Variants in SLC44A2 observed in about 807,000 individuals in gnomAD.
SLC44A2 encodes the protein solute carrier family 44 member 2 (CTL2 blood group).
Under a neutral mutation model 90.8 loss-of-function variants are expected in SLC44A2, and 57 were observed. The ratio of observed to expected loss-of-function variants is 0.63; its 90% CI spans 0.51 to 0.78. The LOEUF is 0.78. Ranked by LOEUF, SLC44A2 falls within the 30% of genes least tolerant of loss-of-function variation. The pLI is 0.00. For missense variants in SLC44A2, 794 were observed against 919.7 expected (o/e 0.86, Z 1.77); for synonymous variants, 355 against 360.7 (o/e 0.98, Z 0.18).
chr19:10,627,950 T>C lies in SLC44A2; in HGVS notation c.191T>C (p.Ile64Thr), dbSNP rs143126713. ...AWTHGDPRKV[I>T]YPTDSRGEFC... Reference sequence around the variant, plus strand: ...ACTCATGGAGACCCTCGAAAGGTGATCTACCCCACTGACAGCCGGGGCGAG... The same window carrying C: ...ACTCATGGAGACCCTCGAAAGGTGACCTACCCCACTGACAGCCGGGGCGAG... The change falls in exon 4 of 22, where the codon ATC (isoleucine) becomes ACC (threonine). Residue 64 changes from isoleucine to threonine, a missense_variant. Coordinates refer to ENST00000335757, the MANE Select transcript of SLC44A2 (RefSeq NM_020428.4). 37 of 1,613,836 alleles carry C rather than the reference T, an allele frequency of 2.3e-5. No individual in the cohort carries two copies. In the African/African-American group the frequency reaches 4.1e-4, roughly 18 times the overall value.
At chr19:10,602,683 G>T in intron 1 of SLC44A2, 2 of 935,282 alleles carry the variant, frequency 2.1e-6, no homozygotes, top group Non-Finnish European at 2.7e-6. Context: ...CCGCGCTCGG[G>T]CCCCCGCATC....
At chr19:10,607,794 GGA>G (rs1918155710) in intron 1 of SLC44A2, among the ~76,000 whole-genome samples, 1 of 146,582 alleles carries the variant, frequency 6.8e-6, no homozygotes, top group South Asian at 2.1e-4. Context: ...CGCTCAGGCT[GGA>G]GTGCAGTGGC....
At chr19:10,609,252 G>A (rs540284274) in intron 1 of SLC44A2, among the ~76,000 whole-genome samples, 1 of 151,596 alleles carries the variant, frequency 6.6e-6, no homozygotes, top group Non-Finnish European at 1.5e-5. Context: ...AACCATGCCC[G>A]GCCCAGCCTA....
rs777247984 is a variant in SLC44A2, at chr19:10,627,940, C to T, written c.181C>T (p.Arg61Ter). The T allele has an allele frequency of 2.5e-6, 4 of 1,613,922 alleles. No individual in the cohort carries two copies. Among genetic ancestry groups the T allele is most frequent in the South Asian group, 1.1e-5 (1 of 91,058 alleles). The change falls in exon 4 of 22, where the codon CGA (arginine) becomes TGA (stop). Residue 61 changes from arginine (R) to a stop codon, truncating the protein, a stop_gained. Coordinates refer to ENST00000335757, the MANE Select transcript of SLC44A2 (RefSeq NM_020428.4). LOFTEE classifies it high-confidence loss of function. ...GIIAWTHGDPRKVIYPTDSRG... is the reference protein window; with the variant it reads ...GIIAWTHGDP ...CACAGCCTGGACTCATGGAGACCCT[C>T]GAAAGGTGATCTACCCCACTGACAG... is the stretch of plus-strand genomic sequence containing the variant.
At chr19:10,640,557 G>A (rs532030367) in intron 20 of SLC44A2, among the ~76,000 whole-genome samples, 1 of 152,216 alleles carries the variant, frequency 6.6e-6, no homozygotes, top group South Asian at 2.1e-4. Flanking sequence ...CTGCCAAAGT[G>A]CAAGGACTAC....
chr19:10,635,197 CCACTGGT>C lies in SLC44A2; in HGVS notation c.1094_1100del (p.Leu365ProfsTer154), dbSNP rs762805655. ...ATACGTCATGTGCTCCTTGCTCTAC[CCACTGGT>C]CACCTTCTTCTTGCTGTGCCTCTGC... On this transcript the variant is annotated frameshift_variant, in exon 13 of 22. Coordinates refer to ENST00000335757, the MANE Select transcript of SLC44A2 (RefSeq NM_020428.4). LOFTEE classifies it high-confidence loss of function. 1 of 1,614,006 alleles carries C rather than the reference CCACTGGT, an allele frequency of 6.2e-7. No individual in the cohort carries two copies. Among genetic ancestry groups the C allele is most frequent in the South Asian group, 1.1e-5 (1 of 91,076 alleles).
intron 1 of SLC44A2, among the ~76,000 whole-genome samples, chr19:10,617,171 G>A (rs1019395043): frequency 0.028 from 173 of 6,276 alleles, 1 homozygote; most frequent in Admixed American, 0.12. Context: ...CCGCCCGCCT[G>A]GGGCTCCCAA....
chr19:10,628,741 G>A (rs1008345490), intron 4 of SLC44A2, among the ~76,000 whole-genome samples: 1 of 152,136 alleles, frequency 6.6e-6, no homozygotes, highest in Admixed American at 6.6e-5. Flanking sequence ...GTGATGAACA[G>A]GTGAGACAAC....
rs2067059480 is a variant in SLC44A2 at position 10,636,683 on chromosome 19, C to A, written c.1518C>A (p.Ala506=). 2 of 1,613,596 alleles carry A rather than the reference C, an allele frequency of 1.2e-6. No individual in the cohort carries two copies. The highest frequency in any genetic ancestry group is 1.7e-5 in the Admixed American group (1 of 59,964). ...RALRYHTGSL[A]FGALILAIVQ... is the part of the protein sequence containing the mutation. ...GCAGGTACCACACAGGCTCCCTGGC[C>A]TTTGGCGCGCTCATCCTGGCCATTG... Residue 506 remains alanine, a synonymous_variant, in exon 16 of 22, where the codon GCC becomes GCA. Coordinates refer to ENST00000335757, the MANE Select transcript of SLC44A2 (RefSeq NM_020428.4).
chr19:10,642,589 C>T, intron 21 of SLC44A2, 138 bp downstream of exon 21: 12 of 839,052 alleles, frequency 1.4e-5, no homozygotes, highest in Non-Finnish European at 3.9e-6. Context: ...GTCCTGGGTC[C>T]CCAGCCTGTC....
intron 20 of SLC44A2, among the ~76,000 whole-genome samples, chr19:10,639,189 C>T (rs550682791): frequency 1.3e-5 from 2 of 152,314 alleles, no homozygotes; most frequent in Admixed American, 6.5e-5. Context: ...CCGCCTCGGG[C>T]TCGCAGAGTA....
intron 21 of SLC44A2, 112 bp from the exon 22 acceptor site, chr19:10,643,167 T>A: frequency 6.8e-7 from 1 of 1,467,152 alleles, no homozygotes; most frequent in Non-Finnish European, 9.0e-7. Context: ...CCAGTGTGTC[T>A]GCTTTCTAAC....
In SLC44A2 at chr19:10,631,745, G is replaced by T. The variant is rs772852528; in HGVS notation, c.622G>T (p.Ala208Ser). The T allele has an allele frequency of 1.2e-6, 2 of 1,613,378 alleles. No individual in the cohort carries two copies. Among genetic ancestry groups the T allele is most frequent in the South Asian group, 1.1e-5 (1 of 91,086 alleles). Residue 208 changes from alanine to serine, a missense_variant, in exon 8 of 22, where the codon GCC becomes TCC. Physicochemically the swap from Ala to Ser is moderately conservative, Grantham distance 99. Transcript: ENST00000335757. ...RKNITDLVEG[A>S]KKANGVLEAR... ...AAACATCACAGACCTGGTGGAGGGC[G>T]CCAAGTGAGGATATTGGCGCACCGC...
intron 4 of SLC44A2, among the ~76,000 whole-genome samples, chr19:10,628,606 C>T (rs1188369715): frequency 6.6e-6 from 1 of 152,152 alleles, no homozygotes; most frequent in African/African-American, 2.4e-5. Flanking sequence ...CTACCCTCAG[C>T]CACTAGTCTA....
intron 16 of SLC44A2, 67 bp downstream of exon 16, chr19:10,636,823 G>T (rs1299058597): frequency 1.3e-6 from 2 of 1,506,784 alleles, no homozygotes; most frequent in Non-Finnish European, 1.8e-6. Flanking sequence ...AACCAGGATT[G>T]GGTCTTGCTT....
chr19:10,628,499 G>T (rs1281630632), intron 4 of SLC44A2, among the ~76,000 whole-genome samples: 1 of 152,086 alleles, frequency 6.6e-6, no homozygotes, highest in East Asian at 1.9e-4. Flanking sequence ...CTGCAGTAAG[G>T]TATGATTGTA....
intron 20 of SLC44A2, chr19:10,641,012 G>A (rs531526118): frequency 2.7e-5 from 10 of 366,544 alleles, no homozygotes; most frequent in African/African-American, 6.5e-5. Context: ...GCTTGAACCC[G>A]GGAGGTGGAG....
intron 1 of SLC44A2, among the ~76,000 whole-genome samples, chr19:10,616,956 C>A (rs975387142): frequency 1.3e-5 from 2 of 151,898 alleles, no homozygotes; most frequent in Non-Finnish European, 2.9e-5. Context: ...GAGTCTTGCT[C>A]TGTCGCCCAG....
chr19:10,627,666 G>A (rs2066948112), intron 2 of SLC44A2, 56 bp from the exon 3 acceptor site: 2 of 1,585,490 alleles, frequency 1.3e-6, no homozygotes. Flanking sequence ...GGGCAGATGG[G>A]CCCATGGTGC....
Sources: gnomAD v4.1 joint callset for allele counts (sites outside exome capture counted in the v4.1 genomes callset) on GRCh38, gnomAD v4.1.1 for gene constraint, MANE v1.5 for transcripts, NCBI Gene and HGNC (gene_info 2026-07-23, HGNC 2026-07-21) for gene names.